TENM2: variants seen among roughly 807,000 people sequenced by gnomAD.
The protein encoded by TENM2 is teneurin transmembrane protein 2, also known as teneurin-2.
In TENM2, 52 loss-of-function variants were observed where a neutral mutation model predicts 245.2. The ratio of observed to expected loss-of-function variants is 0.21; its 90% CI spans 0.17 to 0.27. The LOEUF is 0.27. Among genes scored for constraint, TENM2 ranks in the 10% least tolerant of loss-of-function variants. The pLI is 1.00. For synonymous variants in TENM2, 1,363 were observed against 1,438.9 expected (o/e 0.95, Z 1.19); for missense variants, 3,046 against 3,666.8 (o/e 0.83, Z 4.37).
At chr5:167,450,882 CTATTAA>C (rs1765532443) in intron 2 of TENM2, among the ~76,000 whole-genome samples, 1 of 152,102 alleles carries the variant, frequency 6.6e-6, no homozygotes, top group African/African-American at 2.4e-5. Flanking sequence ...TGGGATATTA[CTATTAA>C]TATCACATCA....
At chr5:167,399,126 G>A (rs776294358) in intron 2 of TENM2, among the ~76,000 whole-genome samples, 5 of 152,018 alleles carry the variant, frequency 3.3e-5, no homozygotes, top group African/African-American at 9.7e-5. Flanking sequence ...GTTCTGCCTC[G>A]TATATCAAAA....
At chr5:167,963,345 G>T (rs894117167) in intron 4 of TENM2, among the ~76,000 whole-genome samples, 3 of 152,058 alleles carry the variant, frequency 2.0e-5, no homozygotes, top group Admixed American at 2.0e-4. Flanking sequence ...GAGTTTATTG[G>T]TGTCAATTTC....
At chr5:167,979,808 C>A (rs1381786568) in intron 4 of TENM2, among the ~76,000 whole-genome samples, 3 of 152,138 alleles carry the variant, frequency 2.0e-5, no homozygotes. Context: ...GACTTCACAA[C>A]AGATTTTAAA....
rs1196396622 is a variant in TENM2 at position 167,802,391 on chromosome 5, C to T, written c.503-73595C>T. On this transcript the variant is annotated intron_variant, in intron 2 of 28. Transcript: ENST00000518659. ...AAGTGGGACCCTCCCATGACTCAGC[C>T]GTAATAGTACATTTCCCTATTACCA... Among the ~76,000 whole-genome samples the T allele has an allele frequency of 4.6e-5, 7 of 152,214 alleles. No individual in the cohort carries two copies. The East Asian group carries it at 7.7e-4, about 17-fold the overall frequency.
chr5:167,735,635 A>G (rs1760742685), intron 2 of TENM2, among the ~76,000 whole-genome samples: 1 of 152,012 alleles, frequency 6.6e-6, no homozygotes, highest in Non-Finnish European at 1.5e-5. Context: ...TCAAAACCCC[A>G]TCTCTACAAA....
At chr5:167,971,584 C>G (rs1399960459) in intron 4 of TENM2, among the ~76,000 whole-genome samples, 1 of 151,998 alleles carries the variant, frequency 6.6e-6, no homozygotes, top group East Asian at 1.9e-4. Flanking sequence ...GCCTATAATC[C>G]CAGCTACTTG....
chr5:166,989,783 C>T, the TENM2 span, among the ~76,000 whole-genome samples: 1 of 150,382 alleles, frequency 6.6e-6, no homozygotes, highest in Non-Finnish European at 1.5e-5. Flanking sequence ...AGAGTGTGAA[C>T]TTAAAAGCTT....
the TENM2 span, among the ~76,000 whole-genome samples, chr5:166,985,621 G>GA: frequency 1.3e-5 from 2 of 151,880 alleles, no homozygotes; most frequent in African/African-American, 2.4e-5. Flanking sequence ...ATTACTAAAG[G>GA]AAAAAAATCA....
At chr5:168,199,751 C>T in intron 16 of TENM2, 113 bp from the exon 19 acceptor site, 2 of 1,153,690 alleles carry the variant, frequency 1.7e-6, no homozygotes, top group Non-Finnish European at 2.4e-6. Flanking sequence ...TTCTTGCACC[C>T]ACATAAGATG....
intron 12 of TENM2, among the ~76,000 whole-genome samples, chr5:168,160,273 C>G (rs1299846263): frequency 6.6e-6 from 1 of 152,178 alleles, no homozygotes; most frequent in Non-Finnish European, 1.5e-5. Context: ...TGTGGCATTT[C>G]TCTGCAACTG....
the TENM2 span, among the ~76,000 whole-genome samples, chr5:167,078,440 G>A: frequency 5.3e-4 from 80 of 152,002 alleles, no homozygotes; most frequent in African/African-American, 1.8e-3. Flanking sequence ...CAGAGATCTC[G>A]CCATTGCACT....
the TENM2 span, among the ~76,000 whole-genome samples, chr5:167,191,408 G>A: frequency 6.6e-6 from 1 of 152,044 alleles, no homozygotes; most frequent in Non-Finnish European, 1.5e-5. Context: ...CCTGTGGCTA[G>A]GACACATGTG....
chr5:168,154,147 T>TAAAAAAAAA (rs70976465), intron 12 of TENM2, among the ~76,000 whole-genome samples: 127 of 85,046 alleles, frequency 1.5e-3, no homozygotes, highest in African/African-American at 4.3e-3. Context: ...TCACCTACTT[T>TAAAAAAAAA]AAAAAAAAAA....
At chr5:167,085,842 C>G in the TENM2 span, among the ~76,000 whole-genome samples, 2 of 152,100 alleles carry the variant, frequency 1.3e-5, no homozygotes, top group African/African-American at 4.8e-5. Context: ...TTGGACATGC[C>G]TACAGGTCGA....
rs569095828 is a variant in TENM2, at chr5:167,431,607, C to T, written c.502+56134C>T. ...CTAATGTTGTCTAAAAAATAGATTGCATTCAATCTTGAAATATATATGTAT... is the reference window on the plus strand; with the variant it reads ...CTAATGTTGTCTAAAAAATAGATTGTATTCAATCTTGAAATATATATGTAT... On this transcript the variant is annotated intron_variant, in intron 2 of 28. Transcript: ENST00000518659. Among the ~76,000 whole-genome samples, 58 of 152,114 alleles carry T rather than the reference C, an allele frequency of 3.8e-4. 1 individual carries two copies. The highest frequency in any genetic ancestry group is 1.4e-3 in the African/African-American group (57 of 41,518).
intron 10 of TENM2, among the ~76,000 whole-genome samples, 179 bp downstream of exon 12, chr5:168,118,665 G>C (rs970055413): frequency 6.6e-6 from 1 of 152,196 alleles, no homozygotes; most frequent in African/African-American, 2.4e-5. Context: ...AACAAGAAAA[G>C]CCTATGGAGA....
intron 2 of TENM2, among the ~76,000 whole-genome samples, chr5:167,405,715 T>G (rs1272983825): frequency 6.6e-6 from 1 of 150,912 alleles, no homozygotes; most frequent in Non-Finnish European, 1.5e-5. Flanking sequence ...TTTTAGGACA[T>G]AAGCCCCACA....
At chr5:167,794,392 C>T (rs938210826) in intron 2 of TENM2, among the ~76,000 whole-genome samples, 14 of 152,178 alleles carry the variant, frequency 9.2e-5, no homozygotes, top group Admixed American at 5.9e-4. Context: ...AACAGGGTCA[C>T]GTCATCAGTA....
At chr5:166,979,622 T>G in the TENM2 span, among the ~76,000 whole-genome samples, 2 of 152,188 alleles carry the variant, frequency 1.3e-5, no homozygotes, top group Admixed American at 1.3e-4. Flanking sequence ...CTGCAATCGC[T>G]CCTGAATCAG....
Sources: gnomAD v4.1 joint callset for allele counts (sites outside exome capture counted in the v4.1 genomes callset) on GRCh38, gnomAD v4.1.1 for gene constraint, MANE v1.5 for transcripts, NCBI Gene and HGNC (gene_info 2026-07-23, HGNC 2026-07-21) for gene names.